COQ8A: variants seen among roughly 807,000 people sequenced by gnomAD.
The protein encoded by COQ8A is atypical kinase COQ8A, mitochondrial.
A neutral mutation model predicts 65.0 loss-of-function variants in COQ8A; 51 were observed. The observed-to-expected ratio is 0.78, with a 90% CI of 0.63 to 0.99. The LOEUF is 0.99. COQ8A is among the 50% of genes least tolerant of loss of function. The pLI, the probability that COQ8A is intolerant of heterozygous loss-of-function variation, is 0.00. For synonymous variants in COQ8A, 371 were observed against 353.2 expected (o/e 1.05, Z -0.57); for missense variants, 940 against 875.0 (o/e 1.07, Z -0.94).
intron 4 of COQ8A, among the ~76,000 whole-genome samples, chr1:226,971,021 A>G (rs1001960511): frequency 2.6e-5 from 4 of 151,778 alleles, no homozygotes; most frequent in South Asian, 4.1e-4. Context: ...ACTCACTGCA[A>G]CCTCTGCCTC....
rs772046217 is a variant in COQ8A, at chr1:226,983,556, C to G, written c.1085C>G (p.Pro362Arg). 3 of 1,613,760 alleles carry G rather than the reference C, an allele frequency of 1.9e-6. No homozygotes were observed. Among genetic ancestry groups the G allele is most frequent in the Non-Finnish European group, 2.5e-6 (3 of 1,179,988 alleles). The change falls in exon 9 of 15, where the codon CCT (proline) becomes CGT (arginine). Residue 362 changes from proline (P) to arginine (R), a missense_variant. Transcript: ENST00000366777. ...GREVAMKIQY[P>R]GVAQSINSDV... Reference sequence around the variant, plus strand: ...GCCTCACCCATACCCCCACAGTACCCTGGCGTGGCCCAGAGCATCAACAGT... The same window carrying G: ...GCCTCACCCATACCCCCACAGTACCGTGGCGTGGCCCAGAGCATCAACAGT...
intron 1 of COQ8A, among the ~76,000 whole-genome samples, chr1:226,945,386 A>G (rs1656976094): frequency 6.6e-6 from 1 of 152,214 alleles, no homozygotes; most frequent in Non-Finnish European, 1.5e-5. Context: ...GGGACAGTCC[A>G]CATGAAAAGA....
intron 8 of COQ8A, 194 bp downstream of exon 8, chr1:226,983,228 T>G (rs1275645456): frequency 2.1e-6 from 2 of 942,936 alleles, no homozygotes; most frequent in Admixed American, 2.9e-5. Context: ...AATGAGTGAC[T>G]TTGGGGGCAC....
At chr1:226,970,104 T>C (rs2777842) in intron 4 of COQ8A, among the ~76,000 whole-genome samples, 137,135 of 152,244 alleles carry the variant, frequency 0.9, 61,836 homozygotes, top group African/African-American at 0.91. Flanking sequence ...AGGTGTGTGC[T>C]GCCATGCCCG....
rs1360140145 is a variant in COQ8A at position 226,978,771 on chromosome 1, C to G, written c.730+1248C>G. ...TACACACCCACCTCACACCCGCATA[C>G]CTCCGTACACACCCACCTCTCACCC... is the stretch of plus-strand genomic sequence containing the variant. On this transcript the variant is annotated intron_variant, in intron 5 of 14. Transcript: ENST00000366777. 6.2e-4 allele frequency among the ~76,000 whole-genome samples: 64 copies of G among 103,644 alleles called. 3 individuals carry two copies. The highest frequency in any genetic ancestry group is 1.7e-3 in the African/African-American group (59 of 34,128). The allele number at this position is 103,644 out of a possible 152,430, so 68.0% of individuals were successfully genotyped here.
chr1:226,963,339 G>T (rs1168272530), intron 2 of COQ8A, among the ~76,000 whole-genome samples: 1 of 152,226 alleles, frequency 6.6e-6, no homozygotes, highest in Non-Finnish European at 1.5e-5. Flanking sequence ...GGAAGGTCAC[G>T]GACTCCAGGA....
chr1:226,977,398 G>T, intron 4 of COQ8A, 51 bp from the exon 5 acceptor site: 1 of 1,530,784 alleles, frequency 6.5e-7, no homozygotes, highest in Non-Finnish European at 8.8e-7. Flanking sequence ...GGGCGAGCGG[G>T]TGGCCCCAGC....
rs550648776 is a variant in COQ8A, at chr1:226,976,255, C to T, written c.656-1194C>T. On this transcript the variant is annotated intron_variant, in intron 4 of 14. Transcript: ENST00000366777. ...GTGGGACTGCGGGGCTGTGGGACTG[C>T]GATGTTGCCTGGCTGCGGGGCTGCA... Among the ~76,000 whole-genome samples the T allele has an allele frequency of 8.0e-4, 111 of 138,890 alleles. 2 individuals carry two copies. Among genetic ancestry groups the T allele is most frequent in the Non-Finnish European group, 1.4e-3 (91 of 64,616 alleles). 91.1% of individuals were successfully genotyped at this position (138,890 alleles called of 152,430 possible).
intron 8 of COQ8A, 29 bp from the exon 9 acceptor site, chr1:226,983,523 A>T: frequency 2.5e-6 from 4 of 1,607,190 alleles, no homozygotes; most frequent in Non-Finnish European, 3.4e-6. Flanking sequence ...CCCTGGGCTA[A>T]CTCCCCTGCC....
chr1:226,986,988 G>A lies in COQ8A; in HGVS notation c.*251G>A. The A allele has an allele frequency of 1.8e-6, 1 of 563,562 alleles. No individual in the cohort carries two copies. The highest frequency in any genetic ancestry group is 2.1e-5 in the South Asian group (1 of 47,714). 34.9% of individuals were successfully genotyped at this position (563,562 alleles called of 1,614,324 possible). A position where few individuals can be genotyped will look rare whatever the true frequency, so the allele number is the denominator to read the frequency against. ...CTCCGTGTGTCCTCTGAAATAAGCA[G>A]ATGAAGATGAAAGGGCAACTTTGTT... On this transcript the variant is annotated 3_prime_UTR_variant, in exon 15 of 15. Coordinates refer to ENST00000366777, the MANE Select transcript of COQ8A (RefSeq NM_020247.5).
chr1:226,956,030 A>ACACTCTCCCTGGCTCT (rs1657719269), intron 1 of COQ8A, among the ~76,000 whole-genome samples: 1 of 68,004 alleles, frequency 1.5e-5, no homozygotes, highest in African/African-American at 6.9e-5. Context: ...TCCCTGGTTC[A>ACACTCTCCCTGGCTCT]CACTCTCCCT....
At chr1:226,955,309 G>A (rs1229696549) in intron 1 of COQ8A, among the ~76,000 whole-genome samples, 3 of 151,896 alleles carry the variant, frequency 2.0e-5, no homozygotes, top group African/African-American at 7.3e-5. Flanking sequence ...GCTTCTCAGC[G>A]TGGACTCTCC....
intron 4 of COQ8A, among the ~76,000 whole-genome samples, chr1:226,971,189 C>T (rs925934415): frequency 3.3e-5 from 5 of 152,040 alleles, no homozygotes; most frequent in Non-Finnish European, 5.9e-5. Context: ...GATCCACCCA[C>T]CTCTGCCTCC....
intron 4 of COQ8A, among the ~76,000 whole-genome samples, chr1:226,975,266 G>C (rs897576516): frequency 6.6e-6 from 1 of 152,158 alleles, no homozygotes; most frequent in Admixed American, 6.5e-5. Context: ...GTACCTGCCA[G>C]GCACCCCCAT....
chr1:226,971,745 T>C (rs1293928473), intron 4 of COQ8A, among the ~76,000 whole-genome samples: 1 of 152,208 alleles, frequency 6.6e-6, no homozygotes. Flanking sequence ...TTGAAAGTTA[T>C]GTCTTATTTC....
At chr1:226,952,778 A>G (rs1657465698) in intron 1 of COQ8A, among the ~76,000 whole-genome samples, 1 of 152,204 alleles carries the variant, frequency 6.6e-6, no homozygotes, top group African/African-American at 2.4e-5. Flanking sequence ...AGAATATTTT[A>G]GAAAATATAG....
intron 5 of COQ8A, among the ~76,000 whole-genome samples, chr1:226,980,916 G>C (rs1572075482): frequency 6.6e-6 from 1 of 152,224 alleles, no homozygotes; most frequent in Non-Finnish European, 1.5e-5. Context: ...GCAGTGGCAC[G>C]GTCACCTCTC....
At chr1:226,981,926 G>A in intron 5 of COQ8A, 101 bp from the exon 6 acceptor site, 1 of 1,555,148 alleles carries the variant, frequency 6.4e-7, no homozygotes, top group South Asian at 1.1e-5. Flanking sequence ...ACGCCTGGGA[G>A]GAAGGACATT....
At chr1:226,959,983 T>TTGGTGGTGTTGGTGCTTGG (rs1253632179) in intron 1 of COQ8A, among the ~76,000 whole-genome samples, 2 of 152,128 alleles carry the variant, frequency 1.3e-5, no homozygotes, top group Non-Finnish European at 2.9e-5. Context: ...GTGGTAGTGC[T>TTGGTGGTGTTGGTGCTTGG]TGGTGGTGTT....
Sources: allele counts gnomAD v4.1 joint callset (sites outside exome capture counted in the v4.1 genomes callset), GRCh38; gene constraint gnomAD v4.1.1; transcripts MANE v1.5; gene names NCBI Gene and HGNC (gene_info 2026-07-23, HGNC 2026-07-21).